The following EFCAB6 variants were observed in gnomAD, a reference collection of about 807,000 sequenced individuals.
EFCAB6 encodes the protein EF-hand calcium-binding domain-containing protein 6.
EFCAB6 carries 156 observed loss-of-function variants against 169.8 expected under a neutral mutation model. The observed-to-expected ratio is 0.92, with a 90% CI of 0.81 to 1.05. The LOEUF (loss-of-function observed/expected upper bound fraction) is 1.05, where lower values mean the gene tolerates loss of function less well. EFCAB6 is among the 50% of genes least tolerant of loss of function. EFCAB6 has a pLI of 0.00. For missense variants in EFCAB6, 1,800 were observed against 1,829.1 expected (o/e 0.98, Z 0.29); for synonymous variants, 698 against 676.4 (o/e 1.03, Z -0.50).
At chr22:43,580,835 C>T (rs1470188329) in intron 24 of EFCAB6, among the ~76,000 whole-genome samples, 176 bp from the exon 25 acceptor site, 5 of 152,196 alleles carry the variant, frequency 3.3e-5, no homozygotes, top group African/African-American at 1.2e-4. Context: ...GGTAGACACA[C>T]ACATCCTGCA....
At chr22:43,789,397 T>G (rs1431708980) in intron 2 of EFCAB6, among the ~76,000 whole-genome samples, 1 of 152,160 alleles carries the variant, frequency 6.6e-6, no homozygotes, top group Admixed American at 6.5e-5. Flanking sequence ...GTGGGCACCT[T>G]TGGCAAAGGT....
chr22:43,603,026 CATGAGCTACGTT>C (rs892952931), intron 22 of EFCAB6, among the ~76,000 whole-genome samples: 2 of 151,990 alleles, frequency 1.3e-5, no homozygotes, highest in Non-Finnish European at 2.9e-5. Flanking sequence ...ACACACTTTG[CATGAGCTACGTT>C]ATCCATTCAT....
intron 19 of EFCAB6, among the ~76,000 whole-genome samples, chr22:43,631,038 T>C (rs2054902605): frequency 6.6e-6 from 1 of 151,788 alleles, no homozygotes; most frequent in African/African-American, 2.4e-5. Flanking sequence ...CCAAAATGAA[T>C]CTCCAGGGGT....
chr22:43,536,980 C>CA (rs2047420353), intron 29 of EFCAB6: 1 of 162,414 alleles, frequency 6.2e-6, no homozygotes, highest in Admixed American at 6.4e-5. Flanking sequence ...AAAAACGAAA[C>CA]AACATCAAAG....
intron 6 of EFCAB6, among the ~76,000 whole-genome samples, chr22:43,741,244 T>C (rs1441345769): frequency 2.6e-5 from 4 of 151,768 alleles, no homozygotes; most frequent in Admixed American, 2.6e-4. Flanking sequence ...TCAGCCATGC[T>C]GACCGACTTT....
At chr22:43,786,174 C>A (rs536477030) in intron 2 of EFCAB6, among the ~76,000 whole-genome samples, 1 of 151,622 alleles carries the variant, frequency 6.6e-6, no homozygotes, top group Non-Finnish European at 1.5e-5. Flanking sequence ...ACCAGCCTAG[C>A]CAACGTGGCG....
At chr22:43,635,308 G>T in intron 17 of EFCAB6, 92 bp from the exon 18 acceptor site, 1 of 922,866 alleles carries the variant, frequency 1.1e-6, no homozygotes, top group African/African-American at 1.6e-5. Flanking sequence ...CTGGCTCACA[G>T]CAGGGCTCAT....
At chr22:43,575,122 G>A (rs1230184458) in intron 26 of EFCAB6, among the ~76,000 whole-genome samples, 1 of 152,176 alleles carries the variant, frequency 6.6e-6, no homozygotes, top group East Asian at 1.9e-4. Flanking sequence ...GGAGGGTGAC[G>A]ACCGAATGGC....
chr22:43,803,395 G>A (rs976478609), intron 2 of EFCAB6, among the ~76,000 whole-genome samples: 14 of 152,192 alleles, frequency 9.2e-5, no homozygotes, highest in Non-Finnish European at 2.9e-5. Context: ...GGGTTTGATA[G>A]GGGCTTTCTG....
chr22:43,629,767 G>A (rs2054797938), intron 19 of EFCAB6, among the ~76,000 whole-genome samples: 1 of 152,126 alleles, frequency 6.6e-6, no homozygotes, highest in Non-Finnish European at 1.5e-5. Context: ...AACAGAATGT[G>A]CAAACGCTTA....
intron 9 of EFCAB6, among the ~76,000 whole-genome samples, chr22:43,713,972 C>T (rs2059246491): frequency 6.6e-6 from 1 of 152,062 alleles, no homozygotes; most frequent in Non-Finnish European, 1.5e-5. Flanking sequence ...AGAATATGAA[C>T]ACATCCCCTG....
chr22:43,600,239 GT>G lies in EFCAB6; in HGVS notation c.2705del (p.His902ProfsTer44). On this transcript the variant is annotated frameshift_variant, in exon 23 of 32. Transcript: ENST00000262726. LOFTEE classifies it high-confidence loss of function. ...WARYDTEGKGHITYQEFLQKL... is the reference protein window; with the variant it reads ...WARYDTEGKGXITYQEFLQKL... The stretch of plus-strand genomic sequence containing the variant: ...TCTGTAAAAATTCCTGGTAAGTAAT[GT>G]GCCCTTTTCCCTCGGTGTCGTATCT... The G allele has an allele frequency of 6.2e-7, 1 of 1,614,070 alleles. No individual in the cohort carries two copies. The highest frequency in any genetic ancestry group is 8.5e-7 in the Non-Finnish European group (1 of 1,180,006).
chr22:43,648,547 G>T (rs1487282565), intron 17 of EFCAB6, among the ~76,000 whole-genome samples: 1 of 152,158 alleles, frequency 6.6e-6, no homozygotes, highest in African/African-American at 2.4e-5. Context: ...AGATACTGGG[G>T]ACTACTAGAG....
chr22:43,693,078 A>G (rs2058463862), intron 10 of EFCAB6, among the ~76,000 whole-genome samples: 1 of 152,194 alleles, frequency 6.6e-6, no homozygotes, highest in Admixed American at 6.5e-5. Context: ...AAGATGTGGA[A>G]CAATGTCATA....
At chr22:43,610,713 T>A (rs182891071) in intron 21 of EFCAB6, among the ~76,000 whole-genome samples, 21 of 152,280 alleles carry the variant, frequency 1.4e-4, no homozygotes, top group African/African-American at 4.3e-4. Context: ...ATATACTTCA[T>A]TGTAGAGTCA....
At chr22:43,543,775 G>T (rs1171343523) in intron 27 of EFCAB6, among the ~76,000 whole-genome samples, 9 of 152,122 alleles carry the variant, frequency 5.9e-5, no homozygotes, top group Admixed American at 5.9e-4. Context: ...ACCAGCAAAG[G>T]CAGCAAGAGA....
In EFCAB6 at chr22:43,531,103, G is replaced by A. The variant is rs375580423; in HGVS notation, c.4234-139C>T. 4.4e-5 allele frequency: 51 copies of A among 1,159,946 alleles called. No homozygotes were observed. The African/African-American group carries it at 6.9e-4, about 16-fold the overall frequency. 71.9% of individuals were successfully genotyped at this position (1,159,946 alleles called of 1,614,324 possible). Reference sequence around the variant, plus strand: ...ACCTGCTCCGCTGGCTCTGAATCGAGGAGGGAGCCTGCCAGAACTCGTCAC... The same window carrying A: ...ACCTGCTCCGCTGGCTCTGAATCGAAGAGGGAGCCTGCCAGAACTCGTCAC... On this transcript the variant is annotated intron_variant, in intron 30 of 31. Coordinates refer to ENST00000262726, the MANE Select transcript of EFCAB6 (RefSeq NM_022785.4).
At chr22:43,623,450 C>G (rs895357076) in intron 20 of EFCAB6, among the ~76,000 whole-genome samples, 1 of 152,048 alleles carries the variant, frequency 6.6e-6, no homozygotes, top group Admixed American at 6.5e-5. Flanking sequence ...AAATGTTTGG[C>G]AGTTATGAAG....
intron 8 of EFCAB6, among the ~76,000 whole-genome samples, chr22:43,724,374 T>G (rs985371950): frequency 6.7e-5 from 10 of 148,942 alleles, no homozygotes; most frequent in African/African-American, 2.5e-4. Context: ...TTTCTTTTTT[T>G]TTTTTTTTTT....
Sources: gnomAD v4.1 joint callset for allele counts (sites outside exome capture counted in the v4.1 genomes callset) on GRCh38, gnomAD v4.1.1 for gene constraint, MANE v1.5 for transcripts, NCBI Gene and HGNC (gene_info 2026-07-23, HGNC 2026-07-21) for gene names.